The following MTMR7 variants were observed in gnomAD, a reference collection of about 807,000 sequenced individuals.
The protein encoded by MTMR7 is phosphatidylinositol-3-phosphate phosphatase MTMR7.
MTMR7 carries 76 observed loss-of-function variants against 81.2 expected under a neutral mutation model. The observed-to-expected ratio is 0.94, with a 90% CI of 0.78 to 1.13. MTMR7 has a LOEUF of 1.13. Ranked by LOEUF, MTMR7 falls within the 50% of genes most tolerant of loss-of-function variation. MTMR7 has a pLI of 0.00. For synonymous variants in MTMR7, 372 were observed against 289.8 expected, an observed-to-expected ratio of 1.28 and a Z score of -2.88; for missense variants, 1,044 against 820.0, an observed-to-expected ratio of 1.27 and a Z score of -3.34.
At chr8:17,336,725 GC>G (rs1819249752) in intron 6 of MTMR7, among the ~76,000 whole-genome samples, 1 of 152,202 alleles carries the variant, frequency 6.6e-6, no homozygotes, top group Non-Finnish European at 1.5e-5. Context: ...CTCGCCCTCG[GC>G]CCTTCTCTTC....
At chr8:17,312,761 G>T (rs1817862360) in intron 8 of MTMR7, among the ~76,000 whole-genome samples, 1 of 151,982 alleles carries the variant, frequency 6.6e-6, no homozygotes. Context: ...ATGGCATCAG[G>T]GAAGATATGG....
chr8:17,386,709 T>C (rs1259169274), intron 1 of MTMR7, among the ~76,000 whole-genome samples: 14 of 152,204 alleles, frequency 9.2e-5, no homozygotes, highest in Admixed American at 2.0e-4. Flanking sequence ...AAGCGCCAGC[T>C]GCCCTTCTTG....
chr8:17,311,330 A>T (rs1817769716), intron 9 of MTMR7, among the ~76,000 whole-genome samples, 181 bp downstream of exon 9: 1 of 152,152 alleles, frequency 6.6e-6, no homozygotes, highest in Admixed American at 6.5e-5. Context: ...TCTTTATTCC[A>T]AGCCTTCCCC....
At chr8:17,404,506 G>C (rs949467943) in intron 1 of MTMR7, among the ~76,000 whole-genome samples, 6 of 152,040 alleles carry the variant, frequency 3.9e-5, no homozygotes, top group African/African-American at 1.4e-4. Context: ...TACTATTATT[G>C]TATTGCTCTT....
At chr8:17,402,467 AT>A (rs1362104263) in intron 1 of MTMR7, among the ~76,000 whole-genome samples, 1 of 152,020 alleles carries the variant, frequency 6.6e-6, no homozygotes, top group African/African-American at 2.4e-5. Flanking sequence ...CATGTGTTCA[AT>A]TGTTTTAATT....
intron 1 of MTMR7, among the ~76,000 whole-genome samples, chr8:17,388,783 T>C (rs983461560): frequency 2.0e-5 from 3 of 152,126 alleles, no homozygotes; most frequent in Non-Finnish European, 4.4e-5. Flanking sequence ...CCCTGGCAAG[T>C]ACCAGTGCCA....
At chr8:17,407,000 C>G (rs1343164556) in intron 1 of MTMR7, among the ~76,000 whole-genome samples, 1 of 151,986 alleles carries the variant, frequency 6.6e-6, no homozygotes, top group African/African-American at 2.4e-5. Flanking sequence ...TAGTGTTTCT[C>G]TTTGGAGTAA....
chr8:17,404,420 T>C (rs907278447), intron 1 of MTMR7, among the ~76,000 whole-genome samples: 1 of 152,186 alleles, frequency 6.6e-6, no homozygotes, highest in African/African-American at 2.4e-5. Flanking sequence ...ACCTATTAGA[T>C]ATACAAATTA....
At chr8:17,320,541 T>A (rs756605) in intron 7 of MTMR7, among the ~76,000 whole-genome samples, 23,299 of 151,970 alleles carry the variant, frequency 0.15, 2,004 homozygotes, top group East Asian at 0.29. Context: ...AAGCTGATGA[T>A]CTAGAAGCCA....
chr8:17,402,869 C>T (rs539916023), intron 1 of MTMR7, among the ~76,000 whole-genome samples: 5 of 152,286 alleles, frequency 3.3e-5, no homozygotes, highest in Admixed American at 3.3e-4. Context: ...ACCAACAGTG[C>T]ATGAGAGTTC....
chr8:17,377,144 G>T (rs1037400111), intron 1 of MTMR7, among the ~76,000 whole-genome samples: 1 of 151,964 alleles, frequency 6.6e-6, no homozygotes, highest in African/African-American at 2.4e-5. Context: ...CCATGGTTAT[G>T]ATTACATCAA....
At chr8:17,330,434 C>T (rs1006329309) in intron 7 of MTMR7, among the ~76,000 whole-genome samples, 1 of 152,254 alleles carries the variant, frequency 6.6e-6, no homozygotes, top group Non-Finnish European at 1.5e-5. Context: ...TGGTAGACTA[C>T]AGCGACAGAT....
chr8:17,365,262 A>G (rs1820190431), intron 3 of MTMR7, among the ~76,000 whole-genome samples: 1 of 151,950 alleles, frequency 6.6e-6, no homozygotes, highest in African/African-American at 2.4e-5. Flanking sequence ...TAATCAGAGT[A>G]CTTGTTTTTT....
Position 17,341,600 on chromosome 8 carries a change from G to T in MTMR7, c.598-103C>A, listed in dbSNP as rs1819410190. ...ACAAAGAGCCCTTGGCTCACTGATA[G>T]TCCACCTCGGCTTATGAAAACGTGA... On this transcript the variant is annotated intron_variant, in intron 5 of 13. Coordinates refer to ENST00000180173, the MANE Select transcript of MTMR7 (RefSeq NM_004686.5). 4.4e-6 allele frequency: 6 copies of T among 1,374,760 alleles called. No individual in the cohort carries two copies. In the South Asian group the frequency reaches 8.3e-5, roughly 19 times the overall value. The allele number at this position is 1,374,760 out of a possible 1,614,324, so 85.2% of individuals were successfully genotyped here.
At chr8:17,403,415 T>C (rs764565581) in intron 1 of MTMR7, among the ~76,000 whole-genome samples, 1 of 152,212 alleles carries the variant, frequency 6.6e-6, no homozygotes, top group Admixed American at 6.5e-5. Context: ...CTGGGTTTCT[T>C]TTTCTGTTCC....
intron 10 of MTMR7, among the ~76,000 whole-genome samples, 171 bp downstream of exon 10, chr8:17,309,106 C>G (rs1276439017): frequency 6.6e-6 from 1 of 152,166 alleles, no homozygotes; most frequent in African/African-American, 2.4e-5. Context: ...CAAAAGGAAT[C>G]AGTTATAACT....
At chr8:17,319,470 A>C (rs1485718113) in intron 7 of MTMR7, among the ~76,000 whole-genome samples, 1 of 152,220 alleles carries the variant, frequency 6.6e-6, no homozygotes, top group African/African-American at 2.4e-5. Context: ...GATCAACAGC[A>C]GAAAGACATC....
chr8:17,369,641 C>CTTTTTTTTTTTTT (rs71212689), intron 3 of MTMR7, among the ~76,000 whole-genome samples: 6 of 106,246 alleles, frequency 5.6e-5, no homozygotes, highest in Non-Finnish European at 7.5e-5. Flanking sequence ...TTCTTTTTTT[C>CTTTTTTTTTTTTT]TTTTTTTTTT....
intron 6 of MTMR7, chr8:17,338,623 G>A (rs902074220): frequency 6.6e-6 from 1 of 152,124 alleles, no homozygotes; most frequent in Non-Finnish European, 1.5e-5. Context: ...TTAGAAGGAA[G>A]GGTTTAAACA....
Sources: allele counts gnomAD v4.1 joint callset (sites outside exome capture counted in the v4.1 genomes callset), GRCh38; gene constraint gnomAD v4.1.1; transcripts MANE v1.5; gene names NCBI Gene and HGNC (gene_info 2026-07-23, HGNC 2026-07-21).